The following CLMP variants were observed in gnomAD, a reference collection of about 807,000 sequenced individuals.
CLMP encodes the protein CXADR like cell adhesion molecule.
CLMP carries 27 observed loss-of-function variants against 45.2 expected under a neutral mutation model. That is an observed-to-expected ratio of 0.60 (90% CI 0.44 to 0.82). The LOEUF (loss-of-function observed/expected upper bound fraction) is 0.82, where lower values mean the gene tolerates loss of function less well. Ranked by LOEUF, CLMP falls within the 40% of genes least tolerant of loss-of-function variation. The pLI, the probability that CLMP is intolerant of heterozygous loss-of-function variation, is 0.00. For missense variants in CLMP, 403 were observed against 448.4 expected (o/e 0.90, Z 0.91); for synonymous variants, 167 against 171.4 (o/e 0.97, Z 0.20).
intron 1 of CLMP, among the ~76,000 whole-genome samples, chr11:123,145,429 T>C (rs928440003): frequency 2.9e-4 from 43 of 150,158 alleles, no homozygotes; most frequent in African/African-American, 1.1e-3. Context: ...GTGTGCTCCA[T>C]GAGTGGGTTC....
chr11:123,082,609 T>G (rs936494694), intron 5 of CLMP, among the ~76,000 whole-genome samples: 6 of 142,268 alleles, frequency 4.2e-5, no homozygotes, highest in African/African-American at 7.9e-5. Context: ...CTGGTTTTTT[T>G]TGTGTGTGTT....
At chr11:123,094,689 A>T (rs1865970197) in intron 2 of CLMP, among the ~76,000 whole-genome samples, 1 of 152,196 alleles carries the variant, frequency 6.6e-6, no homozygotes, top group Non-Finnish European at 1.5e-5. Flanking sequence ...AAGCTACTGC[A>T]ACTGGCACAT....
In CLMP at chr11:123,073,314, G is replaced by T; in HGVS notation, c.*160C>A. 1.3e-6 allele frequency: 1 copy of T among 791,560 alleles called. No homozygotes were observed. The highest frequency in any genetic ancestry group is 2.0e-6 in the Non-Finnish European group (1 of 500,322). 49.0% of individuals were successfully genotyped at this position (791,560 alleles called of 1,614,324 possible). A position where few individuals can be genotyped will look rare whatever the true frequency, so the allele number is the denominator to read the frequency against. On this transcript the variant is annotated 3_prime_UTR_variant, in exon 7 of 7. Coordinates refer to ENST00000448775, the MANE Select transcript of CLMP (RefSeq NM_024769.5). Reference sequence around the variant, plus strand: ...TACATCCTTTTGCTTGTTTGGTATTGTATAAGGAAAATGCTCATCTGAATC... The same window carrying T: ...TACATCCTTTTGCTTGTTTGGTATTTTATAAGGAAAATGCTCATCTGAATC...
At chr11:123,101,134 AG>A (rs1393947368) in intron 1 of CLMP, among the ~76,000 whole-genome samples, 3 of 152,084 alleles carry the variant, frequency 2.0e-5, no homozygotes, top group African/African-American at 7.2e-5. Flanking sequence ...TTTGAGATGG[AG>A]TCTCGCTCTG....
intron 2 of CLMP, among the ~76,000 whole-genome samples, chr11:123,089,576 T>A (rs909525952): frequency 1.3e-5 from 2 of 150,486 alleles, no homozygotes; most frequent in African/African-American, 4.9e-5. Flanking sequence ...CCATCCTGGC[T>A]AACACGGTGA....
At chr11:123,164,107 T>C (rs10502265) in intron 1 of CLMP, among the ~76,000 whole-genome samples, 6,463 of 152,102 alleles carry the variant, frequency 0.042, 319 homozygotes, top group East Asian at 0.16. Flanking sequence ...AAGTACTAAA[T>C]AATTTGCTTC....
chr11:123,098,701 ATTTTTTT>A (rs1156546713), intron 1 of CLMP, among the ~76,000 whole-genome samples: 1 of 112,662 alleles, frequency 8.9e-6, no homozygotes, highest in South Asian at 2.9e-4. Flanking sequence ...ATCCTGGCTA[ATTTTTTT>A]TTTTTTTTTT....
chr11:123,192,280 G>A (rs368207018), intron 1 of CLMP, among the ~76,000 whole-genome samples: 1 of 152,168 alleles, frequency 6.6e-6, no homozygotes, highest in Non-Finnish European at 1.5e-5. Context: ...AAAGCAATGA[G>A]ACTACTAAAG....
intron 1 of CLMP, among the ~76,000 whole-genome samples, chr11:123,170,749 C>A (rs1861621929): frequency 6.6e-6 from 1 of 152,138 alleles, no homozygotes; most frequent in Non-Finnish European, 1.5e-5. Flanking sequence ...CCGAAGCCTG[C>A]TTTTTCTTGC....
chr11:123,172,454 G>A (rs1339554003), intron 1 of CLMP, among the ~76,000 whole-genome samples: 2 of 151,394 alleles, frequency 1.3e-5, no homozygotes, highest in Admixed American at 1.3e-4. Context: ...TTGTGCCAGT[G>A]TTTATGTTGC....
chr11:123,188,322 G>A (rs1861859963), intron 1 of CLMP, among the ~76,000 whole-genome samples: 1 of 152,176 alleles, frequency 6.6e-6, no homozygotes, highest in Non-Finnish European at 1.5e-5. Flanking sequence ...CGCCATCCGT[G>A]AAATAGAACG....
At chr11:123,127,809 G>A (rs1860920169) in intron 1 of CLMP, among the ~76,000 whole-genome samples, 1 of 152,062 alleles carries the variant, frequency 6.6e-6, no homozygotes, top group Non-Finnish European at 1.5e-5. Flanking sequence ...GGCCAAGGTG[G>A]GCGGATTACC....
intron 1 of CLMP, among the ~76,000 whole-genome samples, chr11:123,145,760 G>A (rs1191944398): frequency 6.6e-6 from 1 of 152,198 alleles, no homozygotes; most frequent in African/African-American, 2.4e-5. Context: ...CACTGTGCCC[G>A]GCCTTGCGGC....
At chr11:123,097,422 C>G (rs1866003623) in intron 2 of CLMP, among the ~76,000 whole-genome samples, 1 of 152,060 alleles carries the variant, frequency 6.6e-6, no homozygotes. Context: ...ACTGCAACCT[C>G]CACCTCTGGG....
intron 1 of CLMP, among the ~76,000 whole-genome samples, chr11:123,159,762 G>GCCAATCCTCTC (rs1861459871): frequency 6.6e-6 from 1 of 152,106 alleles, no homozygotes; most frequent in African/African-American, 2.4e-5. Flanking sequence ...ATAATTCTCT[G>GCCAATCCTCTC]CCAATCCTCT....
chr11:123,115,191 A>G (rs1591463966), intron 1 of CLMP, among the ~76,000 whole-genome samples: 1 of 151,236 alleles, frequency 6.6e-6, no homozygotes, highest in African/African-American at 2.4e-5. Context: ...ACAAGTGTGC[A>G]CCAGCACACC....
At chr11:123,154,765 G>A (rs557371642) in intron 1 of CLMP, among the ~76,000 whole-genome samples, 4 of 152,248 alleles carry the variant, frequency 2.6e-5, no homozygotes, top group African/African-American at 9.6e-5. Context: ...CCACTGAAAT[G>A]ATTATAATCC....
intron 1 of CLMP, among the ~76,000 whole-genome samples, chr11:123,132,344 C>T (rs1177260746): frequency 6.6e-6 from 1 of 152,224 alleles, no homozygotes; most frequent in African/African-American, 2.4e-5. Flanking sequence ...GGAAGGCCCA[C>T]ATGGAGATGG....
At chr11:123,123,872 C>T (rs1367150629) in intron 1 of CLMP, among the ~76,000 whole-genome samples, 1 of 152,062 alleles carries the variant, frequency 6.6e-6, no homozygotes, top group African/African-American at 2.4e-5. Flanking sequence ...AGATGGCGAC[C>T]CATAAATGAT....
Sources: gnomAD v4.1 joint callset for allele counts (sites outside exome capture counted in the v4.1 genomes callset) on GRCh38, gnomAD v4.1.1 for gene constraint, MANE v1.5 for transcripts, NCBI Gene and HGNC (gene_info 2026-07-23, HGNC 2026-07-21) for gene names.